Variants in CEP41 observed in about 807,000 individuals in gnomAD.
The protein encoded by CEP41 is centrosomal protein of 41 kDa.
A neutral mutation model predicts 44.3 loss-of-function variants in CEP41; 32 were observed. The ratio of observed to expected loss-of-function variants is 0.72; its 90% CI spans 0.54 to 0.97. The LOEUF (loss-of-function observed/expected upper bound fraction) is 0.97. Among genes scored for constraint, CEP41 ranks in the 50% least tolerant of loss-of-function variants. The pLI is 0.00. For synonymous variants in CEP41, 151 were observed against 168.5 expected (o/e 0.90, Z 0.80); for missense variants, 432 against 455.2 (o/e 0.95, Z 0.46).
chr7:130,422,099 A>G (rs1166926741), intron 2 of CEP41: 1 of 1,455,420 alleles, frequency 6.9e-7, no homozygotes, highest in East Asian at 2.5e-5. Context: ...TGAGAAGCAG[A>G]GCCAGAGGTA....
Position 130,401,946 on chromosome 7 carries a change from A to G in CEP41, c.577T>C (p.Tyr193His). ...GACAGAGTTGCAATTGGGTAACTGTAAGCTGCAAAGAGAAGAAAAAGTTTA... is the reference window on the plus strand; with the variant it reads ...GACAGAGTTGCAATTGGGTAACTGTGAGCTGCAAAGAGAAGAAAAAGTTTA... ...SYQQCHIVGA[Y>H]SYPIATLSRT... Residue 193 changes from tyrosine to histidine, a missense_variant and splice_region_variant, in exon 8 of 11, where the codon TAC becomes CAC. Tyr to His is a moderately conservative substitution (Grantham distance 83). Transcript: ENST00000223208. 1 of 1,607,342 alleles carries G rather than the reference A, an allele frequency of 6.2e-7. No individual in the cohort carries two copies. Among genetic ancestry groups the G allele is most frequent in the Non-Finnish European group, 8.5e-7 (1 of 1,173,904 alleles).
chr7:130,417,167 G>A, intron 2 of CEP41: 1 of 1,384,828 alleles, frequency 7.2e-7, no homozygotes, highest in Admixed American at 3.0e-5. Flanking sequence ...CGAGGGAAAT[G>A]TTTTGGTAGA....
intron 1 of CEP41, among the ~76,000 whole-genome samples, chr7:130,435,545 T>G (rs1378296718): frequency 1.3e-5 from 2 of 152,186 alleles, no homozygotes; most frequent in African/African-American, 4.8e-5. Flanking sequence ...GAGATGGCAC[T>G]ACACATCTAT....
rs782044490 is a variant in CEP41, at chr7:130,401,937, G to A, written c.586C>T (p.Pro196Ser). 1 of 1,609,244 alleles carries A rather than the reference G, an allele frequency of 6.2e-7. No homozygotes were observed. Among genetic ancestry groups the A allele is most frequent in the Non-Finnish European group, 8.5e-7 (1 of 1,175,734 alleles). ...QCHIVGAYSY[P>S]IATLSRTMNP... ...ATTGTTCTAGACAGAGTTGCAATTG[G>A]GTAACTGTAAGCTGCAAAGAGAAGA... is the stretch of plus-strand genomic sequence containing the variant. The change falls in exon 8 of 11, where the codon CCA becomes TCA. Residue 196 changes from proline to serine, a missense_variant. Transcript: ENST00000223208.
chr7:130,410,200 A>AT (rs1183062298), intron 5 of CEP41, among the ~76,000 whole-genome samples: 9 of 150,174 alleles, frequency 6.0e-5, no homozygotes, highest in South Asian at 2.1e-4. Flanking sequence ...TAATTTTTCT[A>AT]TTTTTTTTAG....
rs112007936 is a variant in CEP41, at chr7:130,395,617, C to T, written c.*3274G>A. On this transcript the variant is annotated 3_prime_UTR_variant, in exon 11 of 11. Coordinates refer to ENST00000223208, the MANE Select transcript of CEP41 (RefSeq NM_018718.3). Reference sequence around the variant, plus strand: ...AACATGACAGAAACCAAAACCAACACAAGAAAAATTACCTACGTATTTCTT... The same window carrying T: ...AACATGACAGAAACCAAAACCAACATAAGAAAAATTACCTACGTATTTCTT... The T allele has an allele frequency of 1.7e-3, 767 of 454,074 alleles. 2 individuals are homozygous for T. Among genetic ancestry groups the T allele is most frequent in the Non-Finnish European group, 2.8e-3 (640 of 226,772 alleles). 28.1% of individuals were successfully genotyped at this position (454,074 alleles called of 1,614,324 possible).
In CEP41 at chr7:130,404,627, G is replaced by A. The variant is rs782275564; in HGVS notation, c.359C>T (p.Pro120Leu). 9.9e-6 allele frequency: 16 copies of A among 1,613,516 alleles called. No individual in the cohort carries two copies. Among genetic ancestry groups the A allele is most frequent in the East Asian group, 4.5e-5 (2 of 44,888 alleles). The change falls in exon 6 of 11, where the codon CCG becomes CTG. Residue 120 changes from proline (P) to leucine (L), a missense_variant. Transcript: ENST00000223208. ...GTTGTTTATGAACTGCTCAGGGCTC[G>A]GCGACTGCTCACCTGGATTTCCTTT... Reference protein sequence around the residue: ...NGKGNPGEQSPSPEQFINNAG... With the variant: ...NGKGNPGEQSLSPEQFINNAG...
chr7:130,418,446 C>T (rs1410634710), intron 2 of CEP41, among the ~76,000 whole-genome samples: 2 of 152,174 alleles, frequency 1.3e-5, no homozygotes, highest in East Asian at 1.9e-4. Context: ...AATACAATGG[C>T]GGAAGAAGAC....
intron 1 of CEP41, among the ~76,000 whole-genome samples, chr7:130,431,890 C>T (rs1370707800): frequency 6.6e-6 from 1 of 152,112 alleles, no homozygotes; most frequent in Non-Finnish European, 1.5e-5. Flanking sequence ...CGAACAGGTA[C>T]CATTTTGCTC....
intron 1 of CEP41, among the ~76,000 whole-genome samples, chr7:130,437,607 T>C (rs2117718467): frequency 6.6e-6 from 1 of 150,702 alleles, no homozygotes; most frequent in African/African-American, 2.4e-5. Flanking sequence ...CCCATCTCTA[T>C]AAAAAATACA....
rs1584916012 is a variant in CEP41 at position 130,440,745 on chromosome 7, C to T, written c.33+189G>A. On this transcript the variant is annotated intron_variant, in intron 1 of 10. Coordinates refer to ENST00000223208, the MANE Select transcript of CEP41 (RefSeq NM_018718.3). The stretch of plus-strand genomic sequence containing the variant: ...CGCGGGGAGAGATCGCTCCTCAAAA[C>T]GGGGTCCTGAACGCTGCCCCGCGGC... 12 of 657,512 alleles carry T rather than the reference C, an allele frequency of 1.8e-5. No homozygotes were observed. The East Asian group carries it at 3.2e-4, about 17-fold the overall frequency. The allele number at this position is 657,512 out of a possible 1,614,324, so 40.7% of individuals were successfully genotyped here.
At chr7:130,403,966 G>A (rs1489277885) in intron 6 of CEP41, among the ~76,000 whole-genome samples, 2 of 152,230 alleles carry the variant, frequency 1.3e-5, no homozygotes, top group Admixed American at 6.5e-5. Flanking sequence ...GACATCTGCT[G>A]AAAATCAGTA....
At chr7:130,426,665 G>A in intron 2 of CEP41, 1 of 456,178 alleles carries the variant, frequency 2.2e-6, no homozygotes, top group South Asian at 1.6e-5. Flanking sequence ...GTGGATCACA[G>A]TTGCAATTAG....
chr7:130,430,039 T>C (rs1359964398), intron 1 of CEP41, among the ~76,000 whole-genome samples: 3 of 152,216 alleles, frequency 2.0e-5, no homozygotes, highest in Non-Finnish European at 4.4e-5. Flanking sequence ...CAGCATACTC[T>C]GTCAGGAAGA....
In CEP41 at chr7:130,404,509, G is replaced by A. The variant is rs556958797; in HGVS notation, c.422+55C>T. On this transcript the variant is annotated intron_variant, in intron 6 of 10. Transcript: ENST00000223208. ...AAAAAAAAAGATCCCTGAAATTGGC[G>A]TCTAGATTAATATAAAGGCAAAATG... 44 of 1,467,076 alleles carry A rather than the reference G, an allele frequency of 3.0e-5. No individual in the cohort carries two copies. In the East Asian group the frequency reaches 3.4e-4, roughly 11 times the overall value. The allele number at this position is 1,467,076 out of a possible 1,614,324, so 90.9% of individuals were successfully genotyped here.
At chr7:130,421,088 T>G in intron 2 of CEP41, 1 of 984,154 alleles carries the variant, frequency 1.0e-6, no homozygotes, top group Middle Eastern at 5.2e-4. Context: ...TAACAAAACT[T>G]TACAATTAGA....
At chr7:130,437,910 C>T (rs1382787610) in intron 1 of CEP41, among the ~76,000 whole-genome samples, 1 of 151,006 alleles carries the variant, frequency 6.6e-6, no homozygotes, top group African/African-American at 2.4e-5. Context: ...ACATTTTAGA[C>T]ATAAATTTTT....
intron 4 of CEP41, among the ~76,000 whole-genome samples, chr7:130,411,571 G>T (rs1325556974): frequency 1.3e-5 from 2 of 152,118 alleles, no homozygotes; most frequent in South Asian, 2.1e-4. Flanking sequence ...AATTATCCAC[G>T]CAATGAAGAA....
At position 130,398,596 on chromosome 7, in the gene CEP41, A is replaced by G. The variant is rs1796742737; in HGVS notation, c.*295T>C. On this transcript the variant is annotated 3_prime_UTR_variant, in exon 11 of 11. Coordinates refer to ENST00000223208, the MANE Select transcript of CEP41 (RefSeq NM_018718.3). ...AAAAAAAAACAAAACAAAAAAACTA[A>G]AAACGTAGATACTTTTTTCCTATAC... The G allele has an allele frequency of 1.8e-6, 1 of 567,714 alleles. No individual in the cohort carries two copies. The highest frequency in any genetic ancestry group is 1.9e-5 in the African/African-American group (1 of 53,998). The allele number at this position is 567,714 out of a possible 1,614,324, so 35.2% of individuals were successfully genotyped here. A position where few individuals can be genotyped will look rare whatever the true frequency, so the allele number is the denominator to read the frequency against.
Sources: gnomAD v4.1 joint callset for allele counts (sites outside exome capture counted in the v4.1 genomes callset) on GRCh38, gnomAD v4.1.1 for gene constraint, MANE v1.5 for transcripts, NCBI Gene and HGNC (gene_info 2026-07-23, HGNC 2026-07-21) for gene names.